The following PIK3C2B variants were observed in gnomAD, a reference collection of about 807,000 sequenced individuals.
PIK3C2B encodes phosphatidylinositol-4-phosphate 3-kinase catalytic subunit type 2 beta.
A neutral mutation model predicts 184.3 loss-of-function variants in PIK3C2B; 83 were observed. That is an observed-to-expected ratio of 0.45 (90% CI 0.38 to 0.54). PIK3C2B has a LOEUF of 0.54. PIK3C2B is among the 20% of genes least tolerant of loss of function. The pLI is 0.00. For missense variants in PIK3C2B, 1,736 were observed against 2,113.5 expected, an observed-to-expected ratio of 0.82 and a Z score of 3.50; for synonymous variants, 779 against 837.6, an observed-to-expected ratio of 0.93 and a Z score of 1.21.
At chr1:204,454,536 C>A in intron 12 of PIK3C2B, 133 bp downstream of exon 12, 51 of 640,610 alleles carry the variant, frequency 8.0e-5, no homozygotes, top group Middle Eastern at 5.0e-4. Context: ...GGTTGAATGA[C>A]TTGTCCAGTT....
chr1:204,431,278 T>C (rs1572282926), intron 28 of PIK3C2B: 1 of 239,240 alleles, frequency 4.2e-6, no homozygotes, highest in East Asian at 9.4e-5. Context: ...CTTAGCAGAA[T>C]GTCCTCAAGG....
chr1:204,461,174 A>C (rs1360901382), intron 5 of PIK3C2B, among the ~76,000 whole-genome samples: 1 of 152,212 alleles, frequency 6.6e-6, no homozygotes, highest in African/African-American at 2.4e-5. Context: ...CCAAGCCTCC[A>C]GATCAGTGTC....
In PIK3C2B at chr1:204,442,609, C is replaced by T. The variant is rs1441459554; in HGVS notation, c.3073G>A (p.Glu1025Lys). 1 of 1,553,254 alleles carries T rather than the reference C, an allele frequency of 6.4e-7. No homozygotes were observed. The highest frequency in any genetic ancestry group is 2.0e-5 in the Admixed American group (1 of 51,180). ...TTGAGGGCAAAGAACTGCTTCACCT[C>T]CTCCAGGCCCGTGCGGAGGATTCCC... ...RQGILRTGLE[E>K]VKQFFALNGS... The change falls in exon 20 of 33, where the codon GAG becomes AAG. Residue 1025 changes from glutamate (E) to lysine (K), a missense_variant. By Grantham distance (56) the Glu-to-Lys change is moderately conservative. Transcript: ENST00000684373.
chr1:204,445,511 A>C (rs1350197137), intron 16 of PIK3C2B, among the ~76,000 whole-genome samples: 2 of 150,416 alleles, frequency 1.3e-5, no homozygotes, highest in Non-Finnish European at 3.0e-5. Flanking sequence ...CTGGGGCAGG[A>C]GGAGTGCTTG....
chr1:204,477,346 T>C (rs1656786834), intron 1 of PIK3C2B, among the ~76,000 whole-genome samples: 1 of 152,106 alleles, frequency 6.6e-6, no homozygotes, highest in South Asian at 2.1e-4. Flanking sequence ...TTCAGAACTC[T>C]CAGGAAGACA....
At chr1:204,483,861 C>T (rs1558285644) in intron 1 of PIK3C2B, among the ~76,000 whole-genome samples, 2 of 152,206 alleles carry the variant, frequency 1.3e-5, no homozygotes, top group Non-Finnish European at 2.9e-5. Flanking sequence ...ATGTGACCCT[C>T]GCCCAGTGTC....
intron 14 of PIK3C2B, among the ~76,000 whole-genome samples, chr1:204,448,832 G>T (rs1654098342): frequency 6.6e-6 from 1 of 152,072 alleles, no homozygotes; most frequent in African/African-American, 2.4e-5. Context: ...CAGGGGCAAA[G>T]GTGTCCCCTC....
In PIK3C2B at chr1:204,449,985, G is replaced by A; in HGVS notation, c.2099C>T (p.Pro700Leu). Reference protein sequence around the residue: ...ICFPVQVNRLPRETLLCATLY... With the variant: ...ICFPVQVNRLLRETLLCATLY... ...AGTGGCACACAGCAGTGTCTCCCGA[G>A]GCAGCCGGTTCACCTGCACTGGGAA... The change falls in exon 13 of 33, where the codon CCT (proline) becomes CTT (leucine). Residue 700 changes from proline (P) to leucine (L), a missense_variant. Pro to Leu is a moderately conservative substitution (Grantham distance 98). Around this residue, in one of 8 missense-constraint regions of PIK3C2B, gnomAD observed 609 missense variants for 699.2 expected, o/e 0.87. Transcript: ENST00000684373. 1 of 1,590,734 alleles carries A rather than the reference G, an allele frequency of 6.3e-7. No homozygotes were observed. The highest frequency in any genetic ancestry group is 8.6e-7 in the Non-Finnish European group (1 of 1,168,000).
intron 1 of PIK3C2B, among the ~76,000 whole-genome samples, chr1:204,489,499 AT>A (rs954737040): frequency 2.0e-5 from 3 of 147,008 alleles, no homozygotes; most frequent in South Asian, 2.2e-4. Flanking sequence ...AAAAAAAAAA[AT>A]CTGCCTCCTT....
chr1:204,437,297 C>T (rs572832435), intron 23 of PIK3C2B, among the ~76,000 whole-genome samples: 50 of 152,040 alleles, frequency 3.3e-4, no homozygotes, highest in Admixed American at 3.2e-3. Flanking sequence ...GAGTTCGCGA[C>T]CAGCCTGGCC....
At chr1:204,432,494 G>C in intron 26 of PIK3C2B, 93 bp from the exon 27 acceptor site, 10 of 935,686 alleles carry the variant, frequency 1.1e-5, no homozygotes, top group Non-Finnish European at 1.7e-5. Flanking sequence ...TGACTCCTGA[G>C]ACTAACAATC....
chr1:204,451,138 G>A (rs1050464988), intron 12 of PIK3C2B, among the ~76,000 whole-genome samples: 5 of 152,350 alleles, frequency 3.3e-5, no homozygotes, highest in African/African-American at 9.6e-5. Context: ...CCAGCAGCCA[G>A]CAGACATGCC....
At chr1:204,473,978 C>G (rs1656496182) in intron 1 of PIK3C2B, among the ~76,000 whole-genome samples, 1 of 147,710 alleles carries the variant, frequency 6.8e-6, no homozygotes, top group Non-Finnish European at 1.5e-5. Flanking sequence ...ACCCTAAACA[C>G]CTCCCCTTGA....
At chr1:204,434,178 T>G (rs979845270) in intron 24 of PIK3C2B, among the ~76,000 whole-genome samples, 1 of 152,242 alleles carries the variant, frequency 6.6e-6, no homozygotes, top group Non-Finnish European at 1.5e-5. Flanking sequence ...GATATCTGAT[T>G]GCATTCCTTT....
chr1:204,462,153 ATGAGGGGTGTGATC>A (rs1655387062), intron 5 of PIK3C2B, among the ~76,000 whole-genome samples: 1 of 152,092 alleles, frequency 6.6e-6, no homozygotes, highest in Non-Finnish European at 1.5e-5. Context: ...AAGTGAGAGT[ATGAGGGGTGTGATC>A]TGAGGACCGC....
intron 8 of PIK3C2B, among the ~76,000 whole-genome samples, chr1:204,459,562 A>T (rs1326398700): frequency 6.6e-6 from 1 of 152,156 alleles, no homozygotes; most frequent in Non-Finnish European, 1.5e-5. Flanking sequence ...AGTGTACATC[A>T]AGTGCAGCAG....
At position 204,468,974 on chromosome 1, in the gene PIK3C2B, T is replaced by A. The variant is rs139480812; in HGVS notation, c.829A>T (p.Ser277Cys). ...GGCACCTGAGGGGGCATAGTCTTGC[T>A]CCTGGCCACGGGTTTTCCAGAGGTG... ...KDTSGKPVARSKTMPPQVPPR... is the reference protein window; with the variant it reads ...KDTSGKPVARCKTMPPQVPPR... Residue 277 changes from serine to cysteine, a missense_variant, in exon 2 of 33, where the codon AGC (serine) becomes TGC (cysteine). This residue lies in a region of PIK3C2B where 404 missense variants were observed against 418.0 expected (regional missense o/e 0.97). Coordinates refer to ENST00000684373, the MANE Select transcript of PIK3C2B (RefSeq NM_001377334.1). The A allele has an allele frequency of 1.2e-6, 2 of 1,614,068 alleles. No individual in the cohort carries two copies. Among genetic ancestry groups the A allele is most frequent in the Non-Finnish European group, 1.7e-6 (2 of 1,180,044 alleles).
intron 32 of PIK3C2B, 67 bp downstream of exon 32, chr1:204,425,546 G>T: frequency 2.6e-6 from 4 of 1,536,848 alleles, no homozygotes; most frequent in South Asian, 2.2e-5. Context: ...TCTTCAATAC[G>T]ACTTTATCTA....
intron 1 of PIK3C2B, chr1:204,490,032 C>T (rs1657907524): frequency 2.5e-6 from 1 of 397,278 alleles, no homozygotes. Flanking sequence ...GAATGAGCCA[C>T]GTGTGTGAAA....
Sources: gnomAD v4.1 joint callset for allele counts (sites outside exome capture counted in the v4.1 genomes callset) on GRCh38, gnomAD v4.1.1 for gene constraint, gnomAD v4.1.1 regional missense constraint, MANE v1.5 for transcripts, NCBI Gene and HGNC (gene_info 2026-07-23, HGNC 2026-07-21) for gene names.